HS3ST1: variants seen among roughly 807,000 people sequenced by gnomAD.
The protein encoded by HS3ST1 is heparan sulfate-glucosamine 3-sulfotransferase 1, also known as heparan sulfate glucosamine 3-O-sulfotransferase 1.
Under a neutral mutation model 20.7 loss-of-function variants are expected in HS3ST1, and 8 were observed. The observed-to-expected ratio is 0.39, with a 90% confidence interval of 0.23 to 0.70. The LOEUF is 0.70. Ranked by LOEUF, HS3ST1 falls within the 30% of genes least tolerant of loss-of-function variation. The pLI, the probability that HS3ST1 is intolerant of heterozygous loss-of-function variation, is 0.46. For missense variants in HS3ST1, 436 were observed against 423.4 expected, an observed-to-expected ratio of 1.03 and a Z score of -0.26; for synonymous variants, 205 against 190.4, an observed-to-expected ratio of 1.08 and a Z score of -0.63.
At chr4:11,414,139 G>A (rs79329846) in intron 1 of HS3ST1, 2 of 152,150 alleles carry the variant, frequency 1.3e-5, no homozygotes, top group African/African-American at 4.8e-5. Context: ...TCAGGCACTT[G>A]CAGGGCGGTA....
intron 1 of HS3ST1, among the ~76,000 whole-genome samples, chr4:11,410,384 A>G (rs1317193300): frequency 6.6e-6 from 1 of 152,196 alleles, no homozygotes; most frequent in Non-Finnish European, 1.5e-5. Flanking sequence ...GTTCGAACAC[A>G]ATCTTGGAGA....
Position 11,414,774 on chromosome 4 carries a change from T to C in HS3ST1, c.-109+13925A>G, listed in dbSNP as rs78565275. On this transcript the variant is annotated intron_variant, in intron 1 of 1. Coordinates refer to ENST00000002596, the MANE Select transcript of HS3ST1 (RefSeq NM_005114.4). The stretch of plus-strand genomic sequence containing the variant: ...TTTTTCACAGTTTTTCTTCAAATGC[T>C]TAGATTCATAGAGAGAATTTTAATA... Among the ~76,000 whole-genome samples, 23 of 152,352 alleles carry C rather than the reference T, an allele frequency of 1.5e-4. No homozygotes were observed. In the East Asian group the frequency reaches 3.9e-3, roughly 26 times the overall value.
intron 1 of HS3ST1, among the ~76,000 whole-genome samples, chr4:11,409,823 A>G (rs1718570498): frequency 6.6e-6 from 1 of 152,208 alleles, no homozygotes; most frequent in South Asian, 2.1e-4. Flanking sequence ...ACATCTATGT[A>G]TGAAGCCAGC....
At position 11,399,092 on chromosome 4, in the gene HS3ST1, T is replaced by G; in HGVS notation, c.914A>C (p.Asp305Ala). ...KFFELVGRTF[D>A]WH Reference sequence around the variant, plus strand: ...TTAGCTTATTGCAAATCAGTGCCAGTCAAATGTTCTGCCAACAAGCTCGAA... The same window carrying G: ...TTAGCTTATTGCAAATCAGTGCCAGGCAAATGTTCTGCCAACAAGCTCGAA... The change falls in exon 2 of 2, where the codon GAC becomes GCC. Residue 305 changes from aspartate to alanine, a missense_variant. By Grantham distance (126) the Asp-to-Ala change is moderately radical (BLOSUM62 -2). Transcript: ENST00000002596. This position sits in a 1 kb window ranked among gnomAD's most constrained non-coding sequence, Gnocchi z 5.1. 1 of 1,610,972 alleles carries G rather than the reference T, an allele frequency of 6.2e-7. No homozygotes were observed. Among genetic ancestry groups the G allele is most frequent in the Non-Finnish European group, 8.5e-7 (1 of 1,177,450 alleles).
At chr4:11,419,665 AAAG>A (rs1464956872) in intron 1 of HS3ST1, among the ~76,000 whole-genome samples, 1 of 152,212 alleles carries the variant, frequency 6.6e-6, no homozygotes, top group Non-Finnish European at 1.5e-5. Flanking sequence ...AATTTTAAAA[AAAG>A]AAAAAGTAGG....
Position 11,399,510 on chromosome 4 carries a change from G to C in HS3ST1, c.496C>G (p.Gln166Glu), listed in dbSNP as rs894531484. ...DYTQVFYNHM[Q>E]KHKPYPSIEE... ...ATGGACGGGTAGGGCTTGTGCTTCT[G>C]CATGTGGTTGTAGAACACTTGGGTG... Residue 166 changes from glutamine to glutamate, a missense_variant, in exon 2 of 2, where the codon CAG becomes GAG. By Grantham distance (29) the Gln-to-Glu change is conservative. Transcript: ENST00000002596. The surrounding 1 kb of genome is among the most constrained non-coding windows in gnomAD (Gnocchi z 5.1). The C allele has an allele frequency of 6.2e-7, 1 of 1,613,928 alleles. No homozygotes were observed. The highest frequency in any genetic ancestry group is 1.3e-5 in the African/African-American group (1 of 74,922).
Position 11,395,562 on chromosome 4 carries a change from C to T in HS3ST1, c.*3520G>A, listed in dbSNP as rs1256287676. On this transcript the variant is annotated 3_prime_UTR_variant, in exon 2 of 2. Coordinates refer to ENST00000002596, the MANE Select transcript of HS3ST1 (RefSeq NM_005114.4). ...GCATCATCTCGGCCCCCTGCAACCT[C>T]CACCTGCCAGGTTCAAGTGGTTCTC... 1.3e-5 allele frequency: 2 copies of T among 150,206 alleles called. No homozygotes were observed. Among genetic ancestry groups the T allele is most frequent in the Non-Finnish European group, 3.0e-5 (2 of 67,770 alleles). 9.3% of individuals were successfully genotyped at this position (150,206 alleles called of 1,614,324 possible). A position where few individuals can be genotyped will look rare whatever the true frequency, so the allele number is the denominator to read the frequency against.
intron 1 of HS3ST1, among the ~76,000 whole-genome samples, chr4:11,419,691 A>G (rs1465586515): frequency 1.3e-5 from 2 of 152,226 alleles, no homozygotes; most frequent in Non-Finnish European, 1.5e-5. Flanking sequence ...CCTTCTAGTA[A>G]TAAAACGTAT....
At chr4:11,406,360 C>T (rs746882454) in intron 1 of HS3ST1, among the ~76,000 whole-genome samples, 1 of 152,174 alleles carries the variant, frequency 6.6e-6, no homozygotes, top group Non-Finnish European at 1.5e-5. Context: ...AAATGTCTAA[C>T]CTCTCTGGGT....
At chr4:11,427,733 A>G in intron 1 of HS3ST1, among the ~76,000 whole-genome samples, 1 of 152,134 alleles carries the variant, frequency 6.6e-6, no homozygotes. Flanking sequence ...GAAGACCTAT[A>G]GCGCCTATAA....
upstream of HS3ST1, among the ~76,000 whole-genome samples, chr4:11,431,533 A>G (rs1325998963): frequency 6.6e-6 from 1 of 152,216 alleles, no homozygotes; most frequent in Non-Finnish European, 1.5e-5. Flanking sequence ...TTACTAAGAG[A>G]GAGATGAAAA....
chr4:11,398,777 CA>C lies in HS3ST1; in HGVS notation c.*304del, dbSNP rs1039498265. 26 of 204,476 alleles carry C rather than the reference CA, an allele frequency of 1.3e-4. No individual in the cohort carries two copies. Among genetic ancestry groups the C allele is most frequent in the Non-Finnish European group, 2.4e-4 (26 of 106,854 alleles). The allele number at this position is 204,476 out of a possible 1,614,324, so 12.7% of individuals were successfully genotyped here. On this transcript the variant is annotated 3_prime_UTR_variant, in exon 2 of 2. Coordinates refer to ENST00000002596, the MANE Select transcript of HS3ST1 (RefSeq NM_005114.4). ...GAGTTGGGGGCAAGTTAATTATATT[CA>C]AAAAAACATAGCGTCTCCAGAAAAA... is the stretch of plus-strand genomic sequence containing the variant.
Position 11,418,883 on chromosome 4 carries a change from C to T in HS3ST1, c.-109+9816G>A, listed in dbSNP as rs1356830612. Among the ~76,000 whole-genome samples, 10 of 152,260 alleles carry T rather than the reference C, an allele frequency of 6.6e-5. No individual in the cohort carries two copies. In the East Asian group the frequency reaches 1.6e-3, roughly 24 times the overall value. On this transcript the variant is annotated intron_variant, in intron 1 of 1. Transcript: ENST00000002596. ...CACATGGCTCACTGCTCCTATCATG[C>T]TCCATATGCTTTCTAGTTGGAACAC...
chr4:11,423,636 G>A (rs944215529), intron 1 of HS3ST1, among the ~76,000 whole-genome samples: 6 of 152,164 alleles, frequency 3.9e-5, no homozygotes, highest in African/African-American at 1.2e-4. Context: ...TGTGTCACCG[G>A]TGAGCAGAAC....
At chr4:11,400,327 TCCAACC>T (rs1718289693) in intron 1 of HS3ST1, among the ~76,000 whole-genome samples, 1 of 152,052 alleles carries the variant, frequency 6.6e-6, no homozygotes, top group Non-Finnish European at 1.5e-5. Flanking sequence ...CAACTCCAAC[TCCAACC>T]GTGCTATTAT....
intron 1 of HS3ST1, among the ~76,000 whole-genome samples, chr4:11,409,025 G>A (rs1718543677): frequency 6.6e-6 from 1 of 152,244 alleles, no homozygotes; most frequent in East Asian, 1.9e-4. Flanking sequence ...ATAGCCATGT[G>A]CCATCATCTT....
At position 11,396,391 on chromosome 4, in the gene HS3ST1, G is replaced by A. The variant is rs1023597252; in HGVS notation, c.*2691C>T. 6.6e-6 allele frequency: 1 copy of A among 152,310 alleles called. No homozygotes were observed. The highest frequency in any genetic ancestry group is 1.5e-5 in the Non-Finnish European group (1 of 68,146). The allele number at this position is 152,310 out of a possible 1,614,324, so 9.4% of individuals were successfully genotyped here. ...TTCAGTTGTTCTCACTTGCCTCTCT[G>A]GAAGGACCCACCTAGATCCCCCAGG... On this transcript the variant is annotated 3_prime_UTR_variant, in exon 2 of 2. Coordinates refer to ENST00000002596, the MANE Select transcript of HS3ST1 (RefSeq NM_005114.4).
intron 1 of HS3ST1, among the ~76,000 whole-genome samples, chr4:11,408,204 A>G (rs1158563727): frequency 6.6e-6 from 1 of 152,204 alleles, no homozygotes; most frequent in African/African-American, 2.4e-5. Context: ...CCTGAAACTC[A>G]GAGCTTGAGA....
At chr4:11,409,542 C>G (rs1180919374) in intron 1 of HS3ST1, among the ~76,000 whole-genome samples, 1 of 152,192 alleles carries the variant, frequency 6.6e-6, no homozygotes, top group African/African-American at 2.4e-5. Flanking sequence ...AAGGCACAGG[C>G]AAAACGTGGC....
Sources: gnomAD v4.1 joint callset for allele counts (sites outside exome capture counted in the v4.1 genomes callset) on GRCh38, gnomAD v4.1.1 for gene constraint, Gnocchi (gnomAD v3.1) non-coding constraint, MANE v1.5 for transcripts, NCBI Gene and HGNC (gene_info 2026-07-23, HGNC 2026-07-21) for gene names.